Variants in LRRC43 observed in about 807,000 individuals in gnomAD.
The protein encoded by LRRC43 is leucine-rich repeat-containing protein 43.
In LRRC43, 62 loss-of-function variants were observed where a neutral mutation model predicts 64.3. The observed-to-expected ratio is 0.96, with a 90% CI of 0.79 to 1.19. LRRC43 has a LOEUF of 1.19. Ranked by LOEUF, LRRC43 falls within the 50% of genes most tolerant of loss-of-function variation. The pLI, the probability that LRRC43 is intolerant of heterozygous loss-of-function variation, is 0.00. For missense variants in LRRC43, 868 were observed against 845.0 expected (o/e 1.03, Z -0.34); for synonymous variants, 422 against 382.3 (o/e 1.10, Z -1.21).
intron 5 of LRRC43, among the ~76,000 whole-genome samples, 198 bp downstream of exon 5, chr12:122,190,566 G>A (rs934361810): frequency 6.6e-6 from 1 of 152,022 alleles, no homozygotes; most frequent in Non-Finnish European, 1.5e-5. Context: ...TTTGGAGACA[G>A]AAGTGATAGG....
At chr12:122,193,428 C>A (rs996801006) in intron 7 of LRRC43, among the ~76,000 whole-genome samples, 1 of 136,994 alleles carries the variant, frequency 7.3e-6, no homozygotes, top group Admixed American at 7.5e-5. Context: ...AGACTGTTAG[C>A]TGTGCTGGCG....
At position 122,184,555 on chromosome 12, in the gene LRRC43, TGGA is replaced by T; in HGVS notation, c.190_192del (p.Arg64del). ...CTTTCTTCCTCAAACTTGGCGAACT[TGGA>T]GGGAGCTTGTCCCCAGAGAGGAGGA... On this transcript the variant is annotated inframe_deletion, in exon 2 of 12. Transcript: ENST00000339777. This position sits in a 1 kb window ranked among gnomAD's most constrained non-coding sequence, Gnocchi z 4.0. 1 of 1,613,756 alleles carries T rather than the reference TGGA, an allele frequency of 6.2e-7. No individual in the cohort carries two copies. Among genetic ancestry groups the T allele is most frequent in the Non-Finnish European group, 8.5e-7 (1 of 1,179,814 alleles).
intron 1 of LRRC43, among the ~76,000 whole-genome samples, chr12:122,168,367 G>A (rs1394820128): frequency 6.6e-6 from 1 of 151,668 alleles, no homozygotes; most frequent in Non-Finnish European, 1.5e-5. Context: ...CTAGAACCTG[G>A]GACGTGGAGA....
At position 122,169,717 on chromosome 12, in the gene LRRC43, A is replaced by G. The variant is rs948007523; in HGVS notation, c.-406+1935A>G. On this transcript the variant is annotated intron_variant, in intron 1 of 5. Coordinates refer to the LRRC43 transcript ENST00000537729. ...GGCGACAGAGCGAGACTCCGTCTCAAAAAAAAAAAAAAAAAAAAAAAAGAA... is the reference window on the plus strand; with the variant it reads ...GGCGACAGAGCGAGACTCCGTCTCAGAAAAAAAAAAAAAAAAAAAAAAGAA... Among the ~76,000 whole-genome samples the G allele has an allele frequency of 7.9e-3, 734 of 92,626 alleles. 5 individuals are homozygous for G. Among genetic ancestry groups the G allele is most frequent in the Non-Finnish European group, 8.4e-3 (406 of 48,404 alleles). The allele number at this position is 92,626 out of a possible 152,430, so 60.8% of individuals were successfully genotyped here. A position where few individuals can be genotyped will look rare whatever the true frequency, so the allele number is the denominator to read the frequency against.
At chr12:122,190,467 C>A in intron 5 of LRRC43, 99 bp downstream of exon 5, 2 of 915,636 alleles carry the variant, frequency 2.2e-6, no homozygotes, top group Non-Finnish European at 3.4e-6. Context: ...GTCTGTCCTG[C>A]AACTCCCCAT....
chr12:122,173,228 G>T (rs1223369072), intron 1 of LRRC43, among the ~76,000 whole-genome samples: 1 of 152,052 alleles, frequency 6.6e-6, no homozygotes, highest in Non-Finnish European at 1.5e-5. Flanking sequence ...AGACCAAATT[G>T]CCAGCAGCAC....
intron 1 of LRRC43, among the ~76,000 whole-genome samples, chr12:122,183,834 G>A (rs1465710548): frequency 2.0e-5 from 3 of 152,070 alleles, no homozygotes; most frequent in Admixed American, 2.0e-4. Flanking sequence ...GCATAGTGAC[G>A]CGATGTCGAC....
In LRRC43 at chr12:122,186,174, C is replaced by T. The variant is rs1167012494; in HGVS notation, c.412-16C>T. The T allele has an allele frequency of 2.0e-6, 3 of 1,486,864 alleles. No individual in the cohort carries two copies. The highest frequency in any genetic ancestry group is 3.4e-4 in the Middle Eastern group (2 of 5,864). 92.1% of individuals were successfully genotyped at this position (1,486,864 alleles called of 1,614,324 possible). On this transcript the variant is annotated splice_polypyrimidine_tract_variant and intron_variant, in intron 2 of 11. Coordinates refer to ENST00000339777, the MANE Select transcript of LRRC43 (RefSeq NM_001098519.2). ...CTCTCCTGCTACAGCCCTCAGCTTC[C>T]TCTCCCCTCTTCCAGGTCACCCTGG...
At chr12:122,176,664 T>C (rs1256790096) in intron 1 of LRRC43, among the ~76,000 whole-genome samples, 2 of 151,848 alleles carry the variant, frequency 1.3e-5, no homozygotes, top group Admixed American at 6.6e-5. Flanking sequence ...TAGCATTTTT[T>C]TTTTTCTTAA....
intron 4 of LRRC43, among the ~76,000 whole-genome samples, chr12:122,189,709 CCCACTCCTGCCCTGT>C (rs895142697): frequency 1.4e-4 from 22 of 152,300 alleles, no homozygotes; most frequent in South Asian, 2.1e-4. Context: ...CAGCATCAAC[CCCACTCCTGCCCTGT>C]CCACTCCTGC....
At chr12:122,187,115 C>T (rs960268896) in intron 3 of LRRC43, among the ~76,000 whole-genome samples, 2 of 151,354 alleles carry the variant, frequency 1.3e-5, no homozygotes, top group South Asian at 4.2e-4. Context: ...CCTGTAATAG[C>T]AGCTACTCAG....
chr12:122,189,588 C>T (rs1953689718), intron 4 of LRRC43: 14 of 421,844 alleles, frequency 3.3e-5, no homozygotes, highest in South Asian at 2.2e-4. Flanking sequence ...TTTGCAGGCC[C>T]CTCCCAGGCC....
intron 1 of LRRC43, among the ~76,000 whole-genome samples, chr12:122,169,589 G>A (rs1046694992): frequency 4.6e-5 from 7 of 151,694 alleles, no homozygotes; most frequent in Admixed American, 6.6e-5. Flanking sequence ...GGTGGCGGGC[G>A]CCTGTAGTCC....
chr12:122,185,362 C>A (rs1953631585), intron 2 of LRRC43, among the ~76,000 whole-genome samples: 1 of 152,086 alleles, frequency 6.6e-6, no homozygotes, highest in African/African-American at 2.4e-5. Context: ...GTAGCCCCAG[C>A]TACTCAGAGG....
At chr12:122,170,321 A>G (rs553177171) in intron 1 of LRRC43, among the ~76,000 whole-genome samples, 3 of 152,056 alleles carry the variant, frequency 2.0e-5, no homozygotes, top group East Asian at 1.9e-4. Flanking sequence ...GGAAACTAGG[A>G]TATCTGGGGG....
At chr12:122,181,007 G>A (rs1953576271), upstream of LRRC43, among the ~76,000 whole-genome samples, 1 of 151,796 alleles carries the variant, frequency 6.6e-6, no homozygotes, top group African/African-American at 2.4e-5. Flanking sequence ...CTTGAGGTCA[G>A]GAATTCGAGA....
At chr12:122,189,451 G>A (rs1182142990) in intron 4 of LRRC43, 3 of 456,740 alleles carry the variant, frequency 6.6e-6, no homozygotes, top group Middle Eastern at 3.3e-4. Context: ...TGTGCTGACA[G>A]CGGCCGCTTG....
At chr12:122,173,702 A>G (rs898441424) in intron 1 of LRRC43, 19 of 667,014 alleles carry the variant, frequency 2.8e-5, no homozygotes, top group Non-Finnish European at 5.1e-6. Flanking sequence ...AAAAAAAGCC[A>G]TCTTTGCCTG....
intron 4 of LRRC43, chr12:122,189,346 G>A: frequency 2.2e-6 from 1 of 449,518 alleles, no homozygotes; most frequent in African/African-American, 2.0e-5. Flanking sequence ...GGCGGACGCA[G>A]CAGGGAAGGG....
Sources: allele counts gnomAD v4.1 joint callset (sites outside exome capture counted in the v4.1 genomes callset), GRCh38; gene constraint gnomAD v4.1.1; non-coding constraint Gnocchi (gnomAD v3.1); transcripts MANE v1.5; gene names NCBI Gene and HGNC (gene_info 2026-07-23, HGNC 2026-07-21).